Variants in THRB observed in about 807,000 individuals in gnomAD.
THRB encodes nuclear receptor subfamily 1 group A member 2.
In THRB, 12 loss-of-function variants were observed where a neutral mutation model predicts 47.8. The ratio of observed to expected loss-of-function variants is 0.25; its 90% CI spans 0.16 to 0.41. THRB has a LOEUF of 0.41. THRB is among the 10% of genes least tolerant of loss of function. The probability of loss-of-function intolerance (pLI) is 1.00; values close to 1 mark genes in which losing one functional copy is unlikely to be tolerated. For missense variants in THRB, 348 were observed against 589.2 expected, an observed-to-expected ratio of 0.59 and a Z score of 4.24; for synonymous variants, 218 against 212.2, an observed-to-expected ratio of 1.03 and a Z score of -0.24.
At chr3:24,358,637 C>T (rs12495053) in intron 1 of THRB, among the ~76,000 whole-genome samples, 84,662 of 151,950 alleles carry the variant, frequency 0.56, 26,145 homozygotes, top group African/African-American at 0.84. Context: ...TGTCTGCCTA[C>T]TTCTGTGTTG....
intron 9 of THRB, among the ~76,000 whole-genome samples, chr3:24,128,937 A>T (rs1260192126): frequency 7.0e-6 from 1 of 142,492 alleles, no homozygotes; most frequent in Admixed American, 7.5e-5. Context: ...TGTGAGTTAC[A>T]CCTAATATCT....
chr3:24,236,080 C>T (rs1365228071), intron 3 of THRB, among the ~76,000 whole-genome samples: 1 of 152,136 alleles, frequency 6.6e-6, no homozygotes, highest in Non-Finnish European at 1.5e-5. Context: ...GCTAGGAGGG[C>T]AGTGAGGCTG....
chr3:24,363,048 G>A (rs903666115), intron 1 of THRB, among the ~76,000 whole-genome samples: 2 of 152,116 alleles, frequency 1.3e-5, no homozygotes, highest in South Asian at 4.1e-4. Context: ...CCTGTGGTTA[G>A]GGTAATTCTT....
chr3:24,251,345 T>G (rs2050648725), intron 3 of THRB, among the ~76,000 whole-genome samples: 1 of 152,050 alleles, frequency 6.6e-6, no homozygotes, highest in Admixed American at 6.5e-5. Context: ...AGAAAGCTTA[T>G]AGGACTAGAA....
At chr3:24,176,229 TTTTAA>T (rs1258070310) in intron 5 of THRB, among the ~76,000 whole-genome samples, 1 of 152,190 alleles carries the variant, frequency 6.6e-6, no homozygotes, top group East Asian at 1.9e-4. Context: ...TTAATGTATT[TTTTAA>T]TTTAATCATT....
chr3:24,470,506 C>T (rs970392697), intron 1 of THRB, among the ~76,000 whole-genome samples: 1 of 152,176 alleles, frequency 6.6e-6, no homozygotes, highest in African/African-American at 2.4e-5. Flanking sequence ...GGTTAACATA[C>T]GTAAAGTACT....
chr3:24,295,307 C>A (rs574814306), intron 3 of THRB, among the ~76,000 whole-genome samples: 1 of 152,176 alleles, frequency 6.6e-6, no homozygotes, highest in Non-Finnish European at 1.5e-5. Flanking sequence ...TTCGAAGATG[C>A]AAGAAGGTAC....
chr3:24,322,572 T>TCTG (rs1302449698), intron 2 of THRB, among the ~76,000 whole-genome samples: 1 of 152,216 alleles, frequency 6.6e-6, no homozygotes, highest in African/African-American at 2.4e-5. Context: ...AGCTTTCATC[T>TCTG]CTGGGTCTGC....
intron 1 of THRB, among the ~76,000 whole-genome samples, chr3:24,456,317 AGT>A (rs2073169022): frequency 6.6e-6 from 1 of 151,896 alleles, no homozygotes; most frequent in African/African-American, 2.4e-5. Flanking sequence ...TCTGGATGAC[AGT>A]GTGAGACCCT....
At chr3:24,368,125 C>T (rs558899010) in intron 1 of THRB, among the ~76,000 whole-genome samples, 12 of 152,158 alleles carry the variant, frequency 7.9e-5, no homozygotes, top group African/African-American at 2.6e-4. Context: ...TTATCTTATC[C>T]AATTTAATCC....
At chr3:24,320,863 T>G (rs1012570070) in intron 2 of THRB, among the ~76,000 whole-genome samples, 9 of 152,046 alleles carry the variant, frequency 5.9e-5, no homozygotes, top group African/African-American at 2.2e-4. Flanking sequence ...AGCCAGGCAC[T>G]TATTTCCTTT....
intron 1 of THRB, among the ~76,000 whole-genome samples, chr3:24,413,201 T>A (rs2068454526): frequency 6.6e-6 from 1 of 151,908 alleles, no homozygotes. Context: ...GTTGAAGTGA[T>A]CATTGTGATG....
chr3:24,467,854 T>C (rs1213082407), intron 1 of THRB, among the ~76,000 whole-genome samples: 1 of 150,758 alleles, frequency 6.6e-6, no homozygotes, highest in East Asian at 2.0e-4. Flanking sequence ...ATCTGCTGCA[T>C]TAACCTCTAA....
intron 6 of THRB, among the ~76,000 whole-genome samples, chr3:24,148,113 T>TA (rs2036357585): frequency 2.0e-5 from 3 of 152,336 alleles, no homozygotes; most frequent in Admixed American, 2.0e-4. Flanking sequence ...ATGAGTGTTT[T>TA]AAAATGTAAG....
At position 24,428,210 on chromosome 3, in the gene THRB, C is replaced by T. The variant is rs4858614; in HGVS notation, c.-261+66442G>A. On this transcript the variant is annotated intron_variant, in intron 1 of 10. Transcript: ENST00000646209. ...TTCCTCTCCTACAACATGCATTGTCCTCCTGCTGTCAATAAACAAAATATT... is the reference window on the plus strand; with the variant it reads ...TTCCTCTCCTACAACATGCATTGTCTTCCTGCTGTCAATAAACAAAATATT... 6.1e-3 allele frequency among the ~76,000 whole-genome samples: 926 copies of T among 152,112 alleles called. 10 individuals carry two copies. Among genetic ancestry groups the T allele is most frequent in the African/African-American group, 0.021 (876 of 41,526 alleles).
At chr3:24,378,000 A>G (rs921885932) in intron 1 of THRB, among the ~76,000 whole-genome samples, 15 of 152,186 alleles carry the variant, frequency 9.9e-5, no homozygotes, top group African/African-American at 2.9e-4. Flanking sequence ...TAGCCTCTCA[A>G]TGTCCCAATT....
At chr3:24,451,530 C>T (rs144258131) in intron 1 of THRB, among the ~76,000 whole-genome samples, 29 of 152,244 alleles carry the variant, frequency 1.9e-4, no homozygotes, top group African/African-American at 6.3e-4. Context: ...CCACCACGCC[C>T]GGCCTACATG....
At chr3:24,177,755 C>A (rs542912336) in intron 5 of THRB, among the ~76,000 whole-genome samples, 5 of 152,130 alleles carry the variant, frequency 3.3e-5, no homozygotes, top group Non-Finnish European at 7.4e-5. Context: ...CCAGAAATGG[C>A]AAATTGAAAT....
chr3:24,365,918 A>C (rs991894116), intron 1 of THRB, among the ~76,000 whole-genome samples: 1 of 152,200 alleles, frequency 6.6e-6, no homozygotes, highest in Non-Finnish European at 1.5e-5. Context: ...AAGAAAATTC[A>C]AGTAACTTCT....
Sources: allele counts gnomAD v4.1 joint callset (sites outside exome capture counted in the v4.1 genomes callset), GRCh38; gene constraint gnomAD v4.1.1; transcripts MANE v1.5; gene names NCBI Gene and HGNC (gene_info 2026-07-23, HGNC 2026-07-21).